Variants in ERBB4 observed in about 807,000 individuals in gnomAD.
ERBB4 encodes receptor tyrosine-protein kinase erbB-4.
In ERBB4, 42 loss-of-function variants were observed where a neutral mutation model predicts 158.0. The ratio of observed to expected loss-of-function variants is 0.27; its 90% CI spans 0.21 to 0.34. The LOEUF (loss-of-function observed/expected upper bound fraction) is 0.34, where lower values mean the gene tolerates loss of function less well. Among genes scored for constraint, ERBB4 ranks in the 10% least tolerant of loss-of-function variants. The pLI is 1.00. For missense variants in ERBB4, 1,333 were observed against 1,624.1 expected, an observed-to-expected ratio of 0.82 and a Z score of 3.08; for synonymous variants, 583 against 558.7, an observed-to-expected ratio of 1.04 and a Z score of -0.61.
At chr2:212,041,660 A>T (rs1435266735) in intron 2 of ERBB4, among the ~76,000 whole-genome samples, 1 of 152,058 alleles carries the variant, frequency 6.6e-6, no homozygotes, top group South Asian at 2.1e-4. Context: ...TGACTAAAAA[A>T]TAGTAAATTA....
At chr2:211,428,813 G>T (rs951109304) in intron 21 of ERBB4, among the ~76,000 whole-genome samples, 3 of 152,004 alleles carry the variant, frequency 2.0e-5, no homozygotes, top group East Asian at 3.9e-4. Context: ...TGCCTACCAG[G>T]CTCAAGTGAT....
intron 1 of ERBB4, among the ~76,000 whole-genome samples, chr2:212,231,261 C>T (rs1397517163): frequency 6.6e-6 from 1 of 151,636 alleles, no homozygotes; most frequent in Non-Finnish European, 1.5e-5. Context: ...CCAGTCATCT[C>T]AAACGGACAA....
intron 1 of ERBB4, among the ~76,000 whole-genome samples, chr2:212,437,648 AGGTCACAAAAGGAACTCCATAATTG>A (rs1208294325): frequency 1.3e-5 from 2 of 152,074 alleles, no homozygotes; most frequent in Admixed American, 1.3e-4. Flanking sequence ...ATGCCTTTGT[AGGTCACAAAAGGAACTCCATAATTG>A]GGTTAACATC....
intron 1 of ERBB4, among the ~76,000 whole-genome samples, chr2:212,255,766 G>C (rs1331558507): frequency 6.6e-6 from 1 of 152,106 alleles, no homozygotes; most frequent in Non-Finnish European, 1.5e-5. Context: ...TGCTAAACCT[G>C]AATTTAAAAA....
At chr2:212,046,337 G>A (rs1232362056) in intron 2 of ERBB4, among the ~76,000 whole-genome samples, 3 of 152,152 alleles carry the variant, frequency 2.0e-5, no homozygotes, top group Admixed American at 6.5e-5. Context: ...CATTAACCAT[G>A]TTTGCACATA....
At chr2:211,944,206 A>ATATATATATATAT (rs371912701) in intron 3 of ERBB4, among the ~76,000 whole-genome samples, 14 of 104,026 alleles carry the variant, frequency 1.3e-4, no homozygotes, top group Non-Finnish European at 2.0e-4. Context: ...TATACTATAT[A>ATATATATATATAT]TATATATACA....
At chr2:211,724,548 C>T (rs1252632346) in intron 6 of ERBB4, among the ~76,000 whole-genome samples, 2 of 151,712 alleles carry the variant, frequency 1.3e-5, no homozygotes, top group African/African-American at 4.8e-5. Flanking sequence ...ATGCCAAAGA[C>T]AAAGAGTACT....
intron 1 of ERBB4, among the ~76,000 whole-genome samples, chr2:212,168,084 C>A (rs1304705292): frequency 7.0e-6 from 1 of 143,654 alleles, no homozygotes; most frequent in East Asian, 2.0e-4. Flanking sequence ...AAAAAAAAAA[C>A]TTGTCTCATT....
intron 1 of ERBB4, among the ~76,000 whole-genome samples, chr2:212,242,168 G>C (rs2106018320): frequency 6.6e-6 from 1 of 151,910 alleles, no homozygotes; most frequent in South Asian, 2.1e-4. Flanking sequence ...ATTTAAATCA[G>C]ATTCAAGTAG....
chr2:212,091,886 T>C (rs1228472709), intron 2 of ERBB4, among the ~76,000 whole-genome samples: 1 of 152,094 alleles, frequency 6.6e-6, no homozygotes, highest in Non-Finnish European at 1.5e-5. Flanking sequence ...ATTTATTACT[T>C]TTTTTTATTC....
At chr2:212,009,504 G>C (rs1231121579) in intron 2 of ERBB4, among the ~76,000 whole-genome samples, 3 of 151,852 alleles carry the variant, frequency 2.0e-5, no homozygotes, top group Non-Finnish European at 4.4e-5. Flanking sequence ...CACCAGCACT[G>C]TAAGAGAATA....
At chr2:211,468,819 T>A in intron 20 of ERBB4, among the ~76,000 whole-genome samples, 1 of 118,972 alleles carries the variant, frequency 8.4e-6, no homozygotes, top group South Asian at 3.3e-4. Context: ...CCCTGTGTAA[T>A]GTGGATCCTG....
At position 211,643,102 on chromosome 2, in the gene ERBB4, C is replaced by T. The variant is rs2070658671; in HGVS notation, c.1947-12508G>A. Among the ~76,000 whole-genome samples, 3 of 152,098 alleles carry T rather than the reference C, an allele frequency of 2.0e-5. No individual in the cohort carries two copies. The South Asian group carries it at 6.2e-4, about 31-fold the overall frequency. On this transcript the variant is annotated intron_variant, in intron 16 of 27. Transcript: ENST00000342788. Reference sequence around the variant, plus strand: ...AGGCTGACTGAAGCAACAGTTGTTCCTACTCCATTACCCCTAACACACTAG... The same window carrying T: ...AGGCTGACTGAAGCAACAGTTGTTCTTACTCCATTACCCCTAACACACTAG...
At chr2:212,049,020 C>A (rs2077331255) in intron 2 of ERBB4, among the ~76,000 whole-genome samples, 1 of 152,238 alleles carries the variant, frequency 6.6e-6, no homozygotes, top group African/African-American at 2.4e-5. Context: ...AGGCTCTAAG[C>A]AAAGGACCCA....
At chr2:212,460,970 G>A (rs190489771) in intron 1 of ERBB4, among the ~76,000 whole-genome samples, 1 of 152,330 alleles carries the variant, frequency 6.6e-6, no homozygotes, top group East Asian at 1.9e-4. Flanking sequence ...TAGGGAGTTG[G>A]TGCCATGCAT....
intron 19 of ERBB4, among the ~76,000 whole-genome samples, chr2:211,565,201 C>T (rs886888146): frequency 6.6e-6 from 1 of 152,134 alleles, no homozygotes; most frequent in Non-Finnish European, 1.5e-5. Context: ...GAAAATCATA[C>T]TTACGATACA....
At chr2:211,982,080 C>A (rs1304408467) in intron 2 of ERBB4, among the ~76,000 whole-genome samples, 1 of 151,626 alleles carries the variant, frequency 6.6e-6, no homozygotes, top group East Asian at 1.9e-4. Flanking sequence ...AATGCAGCAG[C>A]AATATTGATA....
intron 15 of ERBB4, among the ~76,000 whole-genome samples, chr2:211,663,438 C>CT (rs2071507456): frequency 6.6e-6 from 1 of 152,116 alleles, no homozygotes; most frequent in Non-Finnish European, 1.5e-5. Context: ...CTAAAGGTGT[C>CT]TTTTTTCTGT....
intron 3 of ERBB4, among the ~76,000 whole-genome samples, chr2:211,818,556 T>A (rs957877347): frequency 6.6e-6 from 1 of 152,002 alleles, no homozygotes; most frequent in African/African-American, 2.4e-5. Context: ...ATAACAGAAA[T>A]CCTATCTACT....
Sources: allele counts gnomAD v4.1 joint callset (sites outside exome capture counted in the v4.1 genomes callset), GRCh38; gene constraint gnomAD v4.1.1; transcripts MANE v1.5; gene names NCBI Gene and HGNC (gene_info 2026-07-23, HGNC 2026-07-21).